Variants in SRGAP2C observed in about 807,000 individuals in gnomAD.
SRGAP2C encodes SLIT-ROBO Rho GTPase-activating protein 2C.
A neutral mutation model predicts 25.1 loss-of-function variants in SRGAP2C; 15 were observed. The ratio of observed to expected loss-of-function variants is 0.60; its 90% CI spans 0.40 to 0.92. SRGAP2C has a LOEUF of 0.92. SRGAP2C is among the 40% of genes least tolerant of loss of function. The pLI, the probability that SRGAP2C is intolerant of heterozygous loss-of-function variation, is 0.00. For synonymous variants in SRGAP2C, 44 were observed against 96.6 expected (o/e 0.46, Z 3.19); for missense variants, 144 against 264.4 (o/e 0.54, Z 3.16).
intron 3 of SRGAP2C, among the ~76,000 whole-genome samples, chr1:121,308,369 G>A (rs1317356779): frequency 2.7e-5 from 4 of 150,918 alleles, no homozygotes; most frequent in Admixed American, 6.6e-5. Context: ...GTACACTCTG[G>A]CCTTTTCTCT....
In SRGAP2C at chr1:121,389,124, T is replaced by G. The variant is rs1309905602; in HGVS notation, c.*1269T>G. On this transcript the variant is annotated 3_prime_UTR_variant, in exon 10 of 10. Coordinates refer to ENST00000367123, the MANE Select transcript of SRGAP2C (RefSeq NM_001329984.2). ...TGTACATATTGTTTTACAATCTAAG[T>G]CATATAATTATAATATTCTTTAAGC... The G allele has an allele frequency of 6.6e-6, 1 of 152,114 alleles. No homozygotes were observed. The highest frequency in any genetic ancestry group is 1.5e-5 in the Non-Finnish European group (1 of 68,016). The allele number at this position is 152,114 out of a possible 1,614,324, so 9.4% of individuals were successfully genotyped here.
chr1:121,351,557 C>T (rs1432798441), intron 4 of SRGAP2C, among the ~76,000 whole-genome samples: 4 of 141,766 alleles, frequency 2.8e-5, no homozygotes, highest in East Asian at 2.1e-4. Context: ...TTGCAGTGAG[C>T]AGAGATCGCG....
intron 2 of SRGAP2C, among the ~76,000 whole-genome samples, chr1:121,201,871 A>T (rs1280158797): frequency 3.3e-5 from 5 of 152,214 alleles, no homozygotes; most frequent in Admixed American, 2.0e-4. Flanking sequence ...AGTAGGAGTG[A>T]GGAGCTAGCA....
intron 3 of SRGAP2C, among the ~76,000 whole-genome samples, chr1:121,303,977 G>T (rs1657759932): frequency 6.8e-6 from 1 of 146,602 alleles, no homozygotes; most frequent in Non-Finnish European, 1.5e-5. Context: ...GGCCGAGGCG[G>T]GCCGATCATG....
chr1:121,338,585 T>G (rs1658574657), intron 4 of SRGAP2C, among the ~76,000 whole-genome samples: 1 of 140,416 alleles, frequency 7.1e-6, no homozygotes, highest in Non-Finnish European at 1.5e-5. Context: ...TTTTTCTCTG[T>G]TCTCTACAAA....
intron 3 of SRGAP2C, among the ~76,000 whole-genome samples, chr1:121,302,334 T>A (rs1311852129): frequency 4.6e-5 from 7 of 152,226 alleles, no homozygotes; most frequent in African/African-American, 7.2e-5. Context: ...TTTGCCATAA[T>A]GTTAGACTCA....
chr1:121,210,317 TA>T (rs199765258), intron 2 of SRGAP2C, among the ~76,000 whole-genome samples: 90,010 of 138,376 alleles, frequency 0.65, 29,503 homozygotes, highest in East Asian at 0.78. Flanking sequence ...ATCAGCGCTT[TA>T]AAAAAAAAAA....
chr1:121,235,065 A>C (rs1404275777), intron 2 of SRGAP2C, among the ~76,000 whole-genome samples: 1 of 126,674 alleles, frequency 7.9e-6, no homozygotes, highest in African/African-American at 3.3e-5. Context: ...TCCGTCCCCC[A>C]GGCTGGAGTG....
chr1:121,316,963 G>A (rs1658112783), intron 3 of SRGAP2C, among the ~76,000 whole-genome samples: 1 of 151,558 alleles, frequency 6.6e-6, no homozygotes, highest in African/African-American at 2.4e-5. Flanking sequence ...TAAACAAAGG[G>A]AAGGTCCCCC....
At position 121,324,482 on chromosome 1, in the gene SRGAP2C, G is replaced by T; in HGVS notation, c.265G>T (p.Asp89Tyr). Residue 89 changes from aspartate (D) to tyrosine (Y), a missense_variant, in exon 4 of 10, where the codon GAT becomes TAT. By Grantham distance (160) the Asp-to-Tyr change is radical. Around this residue, in one of 5 missense-constraint regions of SRGAP2C, gnomAD observed 61 missense variants for 61.7 expected, o/e 0.99. Coordinates refer to ENST00000367123, the MANE Select transcript of SRGAP2C (RefSeq NM_001329984.2). Reference protein sequence around the residue: ...RSTKDQQFKKDQNVLSPVNCW... With the variant: ...RSTKDQQFKKYQNVLSPVNCW... ...TTCCTTGATGTTTCTTCACAGGAAG[G>T]ATCAGAATGTTCTCTCTCCAGTCAA... 1.9e-6 allele frequency: 3 copies of T among 1,612,854 alleles called. No individual in the cohort carries two copies. The South Asian group carries it at 3.3e-5, about 18-fold the overall frequency.
At position 121,184,990 on chromosome 1, in the gene SRGAP2C, T is replaced by TGGCGGAGGC. The variant is rs1298049257; in HGVS notation, c.-667_-659dup. The TGGCGGAGGC allele has an allele frequency of 6.3e-5, 32 of 511,646 alleles. No individual in the cohort carries two copies. The highest frequency in any genetic ancestry group is 9.6e-5 in the South Asian group (3 of 31,338). 31.7% of individuals were successfully genotyped at this position (511,646 alleles called of 1,614,324 possible). ...ACTTCCCGGCGGGGTCCTGCGGAGTTGGCGGAGGCGGCGGAGGCTCCTCCA... is the reference window on the plus strand; with the variant it reads ...ACTTCCCGGCGGGGTCCTGCGGAGTTGGCGGAGGCGGCGGAGGCGGCGGAGGCTCCTCCA... On this transcript the variant is annotated 5_prime_UTR_variant, in exon 1 of 10. Transcript: ENST00000367123.
intron 2 of SRGAP2C, among the ~76,000 whole-genome samples, chr1:121,275,422 G>A (rs1657082024): frequency 1.0e-5 from 1 of 97,844 alleles, no homozygotes; most frequent in African/African-American, 4.3e-5. Flanking sequence ...CAGAGGAGCT[G>A]CTGGTCTTCA....
intron 4 of SRGAP2C, among the ~76,000 whole-genome samples, chr1:121,337,598 C>T (rs1405988579): frequency 4.0e-5 from 6 of 151,592 alleles, no homozygotes; most frequent in Non-Finnish European, 7.4e-5. Flanking sequence ...TGCCATTGTA[C>T]TCCAGCATGG....
At chr1:121,385,569 T>C (rs1437635947) in intron 8 of SRGAP2C, among the ~76,000 whole-genome samples, 1 of 148,414 alleles carries the variant, frequency 6.7e-6, no homozygotes, top group Non-Finnish European at 1.5e-5. Flanking sequence ...GAAAGGTTTT[T>C]TCTTTTCAAG....
intron 8 of SRGAP2C, among the ~76,000 whole-genome samples, chr1:121,384,966 G>GGGGCCA (rs1441509419): frequency 1.3e-5 from 2 of 152,156 alleles, no homozygotes; most frequent in African/African-American, 4.8e-5. Context: ...GAGCCAGGCA[G>GGGGCCA]GGGCCAGGAC....
chr1:121,366,351 A>T (rs1269711275), intron 5 of SRGAP2C, among the ~76,000 whole-genome samples: 2 of 119,992 alleles, frequency 1.7e-5, no homozygotes, highest in African/African-American at 3.1e-5. Context: ...TTGGGATCAG[A>T]TGTTGCTGAT....
At chr1:121,291,053 C>T (rs1418231107) in intron 3 of SRGAP2C, among the ~76,000 whole-genome samples, 4 of 125,906 alleles carry the variant, frequency 3.2e-5, no homozygotes, top group Non-Finnish European at 5.0e-5. Flanking sequence ...GAGAGAGACA[C>T]GAGGAAAACA....
intron 2 of SRGAP2C, among the ~76,000 whole-genome samples, chr1:121,267,247 G>T: frequency 6.6e-6 from 1 of 150,998 alleles, no homozygotes; most frequent in Non-Finnish European, 1.5e-5. Context: ...AGGCTGGAGT[G>T]CAGCGGTGTG....
In SRGAP2C at chr1:121,238,546, C is replaced by A. The variant is rs587755585; in HGVS notation, c.68-46257C>A. 2.4e-3 allele frequency among the ~76,000 whole-genome samples: 368 copies of A among 151,910 alleles called. 1 individual carries two copies. The highest frequency in any genetic ancestry group is 4.5e-3 in the Admixed American group (69 of 15,258). On this transcript the variant is annotated intron_variant, in intron 2 of 9. Coordinates refer to ENST00000367123, the MANE Select transcript of SRGAP2C (RefSeq NM_001329984.2). ...CTTGCCACATAATTTGCATTTGTAT[C>A]TTAAAGCCAGTGGGGAACCATGGAA...
Sources: allele counts gnomAD v4.1 joint callset (sites outside exome capture counted in the v4.1 genomes callset), GRCh38; gene constraint gnomAD v4.1.1; regional missense constraint gnomAD v4.1.1; transcripts MANE v1.5; gene names NCBI Gene and HGNC (gene_info 2026-07-23, HGNC 2026-07-21).